ITPKB: variants seen among roughly 807,000 people sequenced by gnomAD.
ITPKB encodes the protein IP3 3-kinase B.
ITPKB carries 13 observed loss-of-function variants against 69.4 expected under a neutral mutation model. The observed-to-expected ratio is 0.19, with a 90% CI of 0.12 to 0.30. ITPKB has a LOEUF of 0.30. Ranked by LOEUF, ITPKB falls within the 10% of genes least tolerant of loss-of-function variation. The probability of loss-of-function intolerance (pLI) is 1.00; values close to 1 mark genes in which losing one functional copy is unlikely to be tolerated. For missense variants in ITPKB, 1,240 were observed against 1,250.5 expected, an observed-to-expected ratio of 0.99 and a Z score of 0.13; for synonymous variants, 584 against 513.7, an observed-to-expected ratio of 1.14 and a Z score of -1.85.
At chr1:226,707,875 C>A in intron 2 of ITPKB, 1 of 1,305,416 alleles carries the variant, frequency 7.7e-7, no homozygotes, top group Non-Finnish European at 1.0e-6. Context: ...TTGGACGTTG[C>A]CCCAGCAGTA....
chr1:226,660,912 G>A (rs557370589), intron 2 of ITPKB, among the ~76,000 whole-genome samples: 2 of 152,364 alleles, frequency 1.3e-5, no homozygotes, highest in South Asian at 2.1e-4. Context: ...CCTGCAACAC[G>A]CAGCAGATCC....
intron 2 of ITPKB, among the ~76,000 whole-genome samples, chr1:226,672,338 T>G (rs1669633460): frequency 6.6e-6 from 1 of 152,212 alleles, no homozygotes; most frequent in African/African-American, 2.4e-5. Flanking sequence ...TGACATATGC[T>G]TGACACCATC....
At chr1:226,651,718 T>G (rs891112208) in intron 2 of ITPKB, among the ~76,000 whole-genome samples, 1 of 152,322 alleles carries the variant, frequency 6.6e-6, no homozygotes, top group East Asian at 1.9e-4. Context: ...CAAGGCCATT[T>G]GAAGCTAAGA....
rs763988155 is a variant in ITPKB at position 226,737,254 on chromosome 1, G to C, written c.205C>G (p.Pro69Ala). Residue 69 changes from proline (P) to alanine (A), a missense_variant, in exon 2 of 8, where the codon CCC becomes GCC. Pro to Ala is a conservative substitution (Grantham distance 27). Around this residue, in one of 2 missense-constraint regions of ITPKB, gnomAD observed 992 missense variants for 853.8 expected, o/e 1.16. Transcript: ENST00000429204. ...PPAESLSPEE[P>A]RSPGGWRSGR... Reference sequence around the variant, plus strand: ...CTCCGCCAGCCCCCGGGGCTCCGGGGCTCCTCGGGGGACAGCGACTCGGCT... The same window carrying C: ...CTCCGCCAGCCCCCGGGGCTCCGGGCCTCCTCGGGGGACAGCGACTCGGCT... 4 of 1,554,010 alleles carry C rather than the reference G, an allele frequency of 2.6e-6. No homozygotes were observed. In the East Asian group the frequency reaches 9.6e-5, roughly 37 times the overall value.
Position 226,637,288 on chromosome 1 carries a change from C to T in ITPKB, c.2625+391G>A, listed in dbSNP as rs557653987. Among the ~76,000 whole-genome samples the T allele has an allele frequency of 1.3e-5, 2 of 152,354 alleles. No individual in the cohort carries two copies. The highest frequency in any genetic ancestry group is 1.3e-4 in the Admixed American group (2 of 15,306). On this transcript the variant is annotated intron_variant, in intron 7 of 7. Transcript: ENST00000429204. This position sits in a 1 kb window ranked among gnomAD's most constrained non-coding sequence, Gnocchi z 4.3. ...AGAGTGGCACCTGAAGACCTGCCTGCCCTCCTCAGGGTCTCATCTGAAGAT... is the reference window on the plus strand; with the variant it reads ...AGAGTGGCACCTGAAGACCTGCCTGTCCTCCTCAGGGTCTCATCTGAAGAT...
chr1:226,725,829 G>T (rs1657395391), intron 2 of ITPKB, among the ~76,000 whole-genome samples: 1 of 152,152 alleles, frequency 6.6e-6, no homozygotes, highest in Admixed American at 6.5e-5. Flanking sequence ...GTGAAACCGG[G>T]GCGTTATCCA....
chr1:226,736,188 T>C lies in ITPKB; in HGVS notation c.1271A>G (p.Glu424Gly), dbSNP rs202027962. ...CACGGGGGCCCCACTTCGGGCCTCC[T>C]CAGGGCCTACGGAGGCCAGGGCCCT... is the stretch of plus-strand genomic sequence containing the variant. ...LPRALASVGP[E>G]EARSGAPVGG... The change falls in exon 2 of 8, where the codon GAG (glutamate) becomes GGG (glycine). Residue 424 changes from glutamate (E) to glycine (G), a missense_variant. Transcript: ENST00000429204. 48 of 1,544,514 alleles carry C rather than the reference T, an allele frequency of 3.1e-5. No homozygotes were observed. The highest frequency in any genetic ancestry group is 4.1e-5 in the Non-Finnish European group (47 of 1,147,606).
intron 2 of ITPKB, among the ~76,000 whole-genome samples, chr1:226,701,379 C>G (rs181883433): frequency 6.6e-6 from 1 of 151,558 alleles, no homozygotes; most frequent in African/African-American, 2.4e-5. Context: ...CCGAGGCAGG[C>G]GGATCACGAG....
chr1:226,641,910 G>A lies in ITPKB; in HGVS notation c.2451+11C>T, dbSNP rs754296170. ...GTGGGGCCCGAGGCTGCCCTCACTCGCCGGCCTCACCTTGATTCCCTCGAT... is the reference window on the plus strand; with the variant it reads ...GTGGGGCCCGAGGCTGCCCTCACTCACCGGCCTCACCTTGATTCCCTCGAT... On this transcript the variant is annotated intron_variant, in intron 5 of 7. Transcript: ENST00000429204. The surrounding 1 kb of genome is among the most constrained non-coding windows in gnomAD (Gnocchi z 4.6). 7.5e-6 allele frequency: 12 copies of A among 1,608,736 alleles called. No individual in the cohort carries two copies. Among genetic ancestry groups the A allele is most frequent in the African/African-American group, 2.7e-5 (2 of 74,852 alleles).
chr1:226,643,933 A>G (rs939496329), intron 4 of ITPKB, among the ~76,000 whole-genome samples: 1 of 152,242 alleles, frequency 6.6e-6, no homozygotes, highest in African/African-American at 2.4e-5. Flanking sequence ...GAGCCAGGTC[A>G]GTGGTGACGG....
At chr1:226,695,048 G>A (rs1483784867) in intron 2 of ITPKB, among the ~76,000 whole-genome samples, 1 of 152,182 alleles carries the variant, frequency 6.6e-6, no homozygotes, top group Non-Finnish European at 1.5e-5. Context: ...TGGGCAACAT[G>A]GTGAAACCCC....
chr1:226,701,370 C>T (rs1057195267), intron 2 of ITPKB, among the ~76,000 whole-genome samples: 4 of 151,748 alleles, frequency 2.6e-5, no homozygotes, highest in Admixed American at 6.6e-5. Flanking sequence ...TTTGGGAGGC[C>T]GAGGCAGGCG....
intron 2 of ITPKB, among the ~76,000 whole-genome samples, chr1:226,734,771 T>C (rs1209774953): frequency 6.6e-6 from 1 of 152,196 alleles, no homozygotes; most frequent in East Asian, 1.9e-4. Flanking sequence ...CGTGAAAACA[T>C]ACCTGAAATG....
chr1:226,640,889 G>A (rs1404255615), intron 5 of ITPKB, among the ~76,000 whole-genome samples: 4 of 152,162 alleles, frequency 2.6e-5, no homozygotes, highest in East Asian at 1.9e-4. Context: ...TGACAGCTGC[G>A]GAAGCTACGT....
intron 2 of ITPKB, 94 bp downstream of exon 2, chr1:226,735,433 A>G: frequency 7.4e-7 from 1 of 1,344,130 alleles, no homozygotes. Flanking sequence ...AGTTTTCATG[A>G]CTGTGTAGAA....
At chr1:226,644,364 C>T (rs55833574) in intron 4 of ITPKB, among the ~76,000 whole-genome samples, 3,422 of 152,302 alleles carry the variant, frequency 0.022, 64 homozygotes, top group Middle Eastern at 0.058. Context: ...TCACAGGACG[C>T]TGGGGGAGGA....
intron 2 of ITPKB, among the ~76,000 whole-genome samples, chr1:226,721,555 G>A (rs1352863374): frequency 1.3e-5 from 2 of 151,680 alleles, no homozygotes; most frequent in Admixed American, 6.6e-5. Context: ...GAGTGCAGTG[G>A]TGCAATCTCA....
In ITPKB at chr1:226,689,612, T is replaced by TGC. The variant is rs1553255326; in HGVS notation, c.1933-40843_1933-40842dup. Reference sequence around the variant, plus strand: ...GTGTGTGTGTGTGTGTGTGTGTGTGTGCATGCATATGTGTTTGTGTACTTT... The same window carrying TGC: ...GTGTGTGTGTGTGTGTGTGTGTGTGTGCGCATGCATATGTGTTTGTGTACTTT... On this transcript the variant is annotated intron_variant, in intron 2 of 7. Coordinates refer to ENST00000429204, the MANE Select transcript of ITPKB (RefSeq NM_002221.4). 7.2e-4 allele frequency among the ~76,000 whole-genome samples: 105 copies of TGC among 145,396 alleles called. 1 individual carries two copies. The South Asian group carries it at 0.01, about 14-fold the overall frequency.
At chr1:226,705,465 G>A (rs2102633345) in intron 2 of ITPKB, among the ~76,000 whole-genome samples, 1 of 151,070 alleles carries the variant, frequency 6.6e-6, no homozygotes, top group South Asian at 2.1e-4. Context: ...GGAGGCAGAG[G>A]TTGCGGTGAG....
Sources: allele counts gnomAD v4.1 joint callset (sites outside exome capture counted in the v4.1 genomes callset), GRCh38; gene constraint gnomAD v4.1.1; regional missense constraint gnomAD v4.1.1; non-coding constraint Gnocchi (gnomAD v3.1); transcripts MANE v1.5; gene names NCBI Gene and HGNC (gene_info 2026-07-23, HGNC 2026-07-21).